Variants in LRRFIP1 observed in about 807,000 individuals in gnomAD.
LRRFIP1 encodes the protein LRR binding FLII interacting protein 1.
LRRFIP1 carries 62 observed loss-of-function variants against 104.4 expected under a neutral mutation model. The observed-to-expected ratio is 0.59, with a 90% CI of 0.48 to 0.73. The LOEUF is 0.73. Ranked by LOEUF, LRRFIP1 falls within the 30% of genes least tolerant of loss-of-function variation. The pLI, the probability that LRRFIP1 is intolerant of heterozygous loss-of-function variation, is 0.00. For synonymous variants in LRRFIP1, 300 were observed against 299.0 expected (o/e 1.00, Z -0.03); for missense variants, 796 against 824.5 (o/e 0.97, Z 0.42).
At chr2:237,720,021 C>T (rs1447196300) in intron 5 of LRRFIP1, among the ~76,000 whole-genome samples, 1 of 142,766 alleles carries the variant, frequency 7.0e-6, no homozygotes, top group Non-Finnish European at 1.5e-5. Flanking sequence ...GGTTTTGGCT[C>T]ACTGCAACCT....
chr2:237,632,301 C>T (rs950820439), intron 1 of LRRFIP1, among the ~76,000 whole-genome samples: 3 of 152,202 alleles, frequency 2.0e-5, no homozygotes, highest in Non-Finnish European at 2.9e-5. Context: ...CACAAAATGT[C>T]CCCCAGGCTT....
At chr2:237,714,297 T>C in intron 3 of LRRFIP1, 21 bp downstream of exon 3, 1 of 1,593,386 alleles carries the variant, frequency 6.3e-7, no homozygotes. Flanking sequence ...CTTTCTTTAT[T>C]TTCTAACTTG....
chr2:237,753,428 G>C lies in LRRFIP1; in HGVS notation c.987G>C (p.Glu329Asp). The change falls in exon 15 of 24, where the codon GAG becomes GAC. Residue 329 changes from glutamate (E) to aspartate (D), a missense_variant. Transcript: ENST00000308482. ...ATACCCTAAAAGATATGTTGCTGGA[G>C]CTTGAAGAACAGCTGGCTGAATCTA... ...QVDTLKDMLL[E>D]LEEQLAESRR... 6.2e-7 allele frequency: 1 copy of C among 1,603,016 alleles called. No homozygotes were observed. Among genetic ancestry groups the C allele is most frequent in the Non-Finnish European group, 8.5e-7 (1 of 1,177,540 alleles).
intron 19 of LRRFIP1, chr2:237,763,766 C>T: frequency 6.2e-7 from 1 of 1,614,196 alleles, no homozygotes; most frequent in Non-Finnish European, 8.5e-7. Context: ...TGACACCGTT[C>T]AATCATCAGG....
In LRRFIP1 at chr2:237,727,877, C is replaced by T. The variant is rs1575899178; in HGVS notation, c.386C>T (p.Thr129Ile). Residue 129 changes from threonine (T) to isoleucine (I), a missense_variant and splice_region_variant, in exon 8 of 24, where the codon ACA becomes ATA. Thr to Ile is a moderately conservative substitution (Grantham distance 89). Coordinates refer to ENST00000308482, the MANE Select transcript of LRRFIP1 (RefSeq NM_001137550.2). The part of the protein sequence containing the change: ...DLEYGGPYAW[T>I]NGYDGELYGS... The stretch of plus-strand genomic sequence containing the variant: ...TTTCTCTTTTCTTCATTGAAACAGA[C>T]AAATGGTTATGATGGAGAATTGTAT... The T allele has an allele frequency of 6.2e-7, 1 of 1,610,598 alleles. No homozygotes were observed. Among genetic ancestry groups the T allele is most frequent in the African/African-American group, 1.3e-5 (1 of 74,884 alleles).
intron 1 of LRRFIP1, among the ~76,000 whole-genome samples, chr2:237,700,211 T>C (rs2093437856): frequency 1.3e-5 from 2 of 152,154 alleles, no homozygotes; most frequent in Admixed American, 1.3e-4. Flanking sequence ...TGTGGCTACT[T>C]CCTATAGCAA....
At chr2:237,632,205 A>ACTGC (rs1559431295) in intron 1 of LRRFIP1, among the ~76,000 whole-genome samples, 1 of 149,796 alleles carries the variant, frequency 6.7e-6, no homozygotes. Flanking sequence ...AAGGGGTCAC[A>ACTGC]CAGCCCCCAA....
At chr2:237,638,597 T>C (rs909115639) in intron 1 of LRRFIP1, among the ~76,000 whole-genome samples, 2 of 152,228 alleles carry the variant, frequency 1.3e-5, no homozygotes, top group Non-Finnish European at 2.9e-5. Flanking sequence ...CTGTGCTCTG[T>C]GTCTGTGCAG....
intron 1 of LRRFIP1, among the ~76,000 whole-genome samples, chr2:237,700,084 G>C (rs1276094688): frequency 6.6e-6 from 1 of 152,210 alleles, no homozygotes; most frequent in Admixed American, 6.5e-5. Flanking sequence ...GTCCGTTCTT[G>C]TCCACGTCTG....
At chr2:237,758,683 A>C in intron 17 of LRRFIP1, 46 bp from the exon 18 acceptor site, 1 of 1,374,250 alleles carries the variant, frequency 7.3e-7, no homozygotes, top group Admixed American at 1.9e-5. Context: ...TAACTTGCTC[A>C]TCTGTGCAAA....
At chr2:237,654,539 A>G (rs7603079) in intron 1 of LRRFIP1, among the ~76,000 whole-genome samples, 20,210 of 151,914 alleles carry the variant, frequency 0.13, 1,852 homozygotes, top group Non-Finnish European at 0.21. Context: ...TGAAATCAGT[A>G]TGTTGAAAAT....
intron 6 of LRRFIP1, 31 bp from the exon 7 acceptor site, chr2:237,723,517 T>C: frequency 2.6e-6 from 4 of 1,545,298 alleles, no homozygotes; most frequent in African/African-American, 3.1e-5. Context: ...TTTGCTGTTG[T>C]TTTTTTTTTC....
At chr2:237,640,554 C>T (rs529000277) in intron 1 of LRRFIP1, among the ~76,000 whole-genome samples, 1 of 152,216 alleles carries the variant, frequency 6.6e-6, no homozygotes, top group African/African-American at 2.4e-5. Context: ...CAGGACCACC[C>T]CCCAGATGAG....
At chr2:237,718,098 G>A (rs1166775935) in intron 4 of LRRFIP1, among the ~76,000 whole-genome samples, 1 of 152,204 alleles carries the variant, frequency 6.6e-6, no homozygotes, top group Admixed American at 6.5e-5. Context: ...CACTACCACA[G>A]CCGCCCTGAT....
At chr2:237,754,485 A>G (rs1287019169) in intron 15 of LRRFIP1, among the ~76,000 whole-genome samples, 1 of 152,226 alleles carries the variant, frequency 6.6e-6, no homozygotes, top group African/African-American at 2.4e-5. Flanking sequence ...ATAGAAAGCA[A>G]GGAATACTTT....
intron 4 of LRRFIP1, among the ~76,000 whole-genome samples, chr2:237,719,288 A>C (rs2094455027): frequency 6.6e-6 from 1 of 152,260 alleles, no homozygotes; most frequent in Non-Finnish European, 1.5e-5. Flanking sequence ...CTGTTTTTAC[A>C]ACAAAAATGA....
intron 19 of LRRFIP1, chr2:237,765,808 A>G (rs1364108018): frequency 2.1e-6 from 2 of 965,716 alleles, no homozygotes; most frequent in East Asian, 1.1e-4. Context: ...GTGGATTCAT[A>G]TTACTGTTAC....
At chr2:237,693,747 A>G (rs2092973962) in intron 1 of LRRFIP1, among the ~76,000 whole-genome samples, 1 of 152,158 alleles carries the variant, frequency 6.6e-6, no homozygotes, top group Admixed American at 6.5e-5. Flanking sequence ...TGCCTGCTGG[A>G]CTTAGAGTCC....
chr2:237,706,992 A>G (rs1200124957), intron 1 of LRRFIP1, among the ~76,000 whole-genome samples: 1 of 152,168 alleles, frequency 6.6e-6, no homozygotes, highest in African/African-American at 2.4e-5. Flanking sequence ...GCAACAAGGT[A>G]TCAAAATCCT....
Sources: allele counts gnomAD v4.1 joint callset (sites outside exome capture counted in the v4.1 genomes callset), GRCh38; gene constraint gnomAD v4.1.1; transcripts MANE v1.5; gene names NCBI Gene and HGNC (gene_info 2026-07-23, HGNC 2026-07-21).